Variants in KHDRBS2 observed in about 807,000 individuals in gnomAD.
KHDRBS2 encodes KH domain-containing, RNA-binding, signal transduction-associated protein 2.
KHDRBS2 carries 26 observed loss-of-function variants against 44.3 expected under a neutral mutation model. The observed-to-expected ratio is 0.59, with a 90% confidence interval of 0.43 to 0.81. The LOEUF (loss-of-function observed/expected upper bound fraction) is 0.81, where lower values mean the gene tolerates loss of function less well. KHDRBS2 is among the 40% of genes least tolerant of loss of function. The pLI is 0.00. For missense variants in KHDRBS2, 476 were observed against 433.1 expected (o/e 1.10, Z -0.88); for synonymous variants, 194 against 151.1 (o/e 1.28, Z -2.08).
the KHDRBS2 span, among the ~76,000 whole-genome samples, chr6:61,632,456 G>A: frequency 6.6e-6 from 1 of 152,054 alleles, no homozygotes; most frequent in African/African-American, 2.4e-5. Flanking sequence ...TATTATCTTG[G>A]TTGAGAAATT....
chr6:62,257,436 A>T (rs1173388388), intron 1 of KHDRBS2, among the ~76,000 whole-genome samples: 1 of 152,122 alleles, frequency 6.6e-6, no homozygotes, highest in Non-Finnish European at 1.5e-5. Flanking sequence ...TGAAATAAAT[A>T]ACAGAGCAGA....
the KHDRBS2 span, chr6:61,574,350 G>A: frequency 1.3e-6 from 2 of 1,527,450 alleles, no homozygotes; most frequent in Non-Finnish European, 1.8e-6. Flanking sequence ...GGTTTCAGCT[G>A]TCTCTTACTT....
At chr6:61,645,754 G>T in the KHDRBS2 span, among the ~76,000 whole-genome samples, 1 of 152,128 alleles carries the variant, frequency 6.6e-6, no homozygotes, top group African/African-American at 2.4e-5. Context: ...AGAGACATTT[G>T]TCAAGAAAGA....
At chr6:61,791,492 T>A (rs1784634688) in intron 6 of KHDRBS2, among the ~76,000 whole-genome samples, 1 of 151,548 alleles carries the variant, frequency 6.6e-6, no homozygotes, top group South Asian at 2.1e-4. Flanking sequence ...AAAGCATTAG[T>A]TATATACAAG....
chr6:61,716,864 A>C (rs1232354094), intron 7 of KHDRBS2, among the ~76,000 whole-genome samples: 1 of 152,058 alleles, frequency 6.6e-6, no homozygotes, highest in African/African-American at 2.4e-5. Flanking sequence ...TTCAGAATTT[A>C]GGATGATCTA....
rs61137285 is a variant in KHDRBS2, at chr6:61,993,675, T to TATATATATATATATATATATA, written c.337-15464_337-15463insTATATATATATATATATATAT. 2.5e-3 allele frequency among the ~76,000 whole-genome samples: 186 copies of TATATATATATATATATATATA among 74,762 alleles called. 6 individuals carry two copies. The highest frequency in any genetic ancestry group is 3.6e-3 in the Admixed American group (20 of 5,500). 49.0% of individuals were successfully genotyped at this position (74,762 alleles called of 152,430 possible). A position where few individuals can be genotyped will look rare whatever the true frequency, so the allele number is the denominator to read the frequency against. ...CATATATATATATATATATATATAT[T>TATATATATATATATATATATA]TTTTTTTTTTGATGTGAGCTTATAT... On this transcript the variant is annotated intron_variant, in intron 3 of 8. Transcript: ENST00000281156.
At chr6:61,631,355 C>CATTTTCTG in the KHDRBS2 span, among the ~76,000 whole-genome samples, 1 of 127,332 alleles carries the variant, frequency 7.9e-6, no homozygotes, top group Non-Finnish European at 1.6e-5. Context: ...CAGTGTGTTA[C>CATTTTCTG]ATTTTCTGGT....
intron 3 of KHDRBS2, among the ~76,000 whole-genome samples, chr6:62,036,970 C>T (rs962708703): frequency 3.9e-5 from 6 of 151,930 alleles, no homozygotes; most frequent in African/African-American, 1.2e-4. Context: ...CACAGTTATC[C>T]TCATAATATT....
chr6:61,757,779 T>G (rs937773809), intron 6 of KHDRBS2, among the ~76,000 whole-genome samples: 3 of 152,174 alleles, frequency 2.0e-5, no homozygotes, highest in Non-Finnish European at 2.9e-5. Flanking sequence ...CCAAAGCAGT[T>G]CTCAGTTTAG....
At chr6:62,028,844 CAT>C (rs779486779) in intron 3 of KHDRBS2, among the ~76,000 whole-genome samples, 5 of 152,146 alleles carry the variant, frequency 3.3e-5, no homozygotes, top group East Asian at 3.9e-4. Flanking sequence ...CTTGTCGACA[CAT>C]GTGAGAATTC....
intron 1 of KHDRBS2, among the ~76,000 whole-genome samples, chr6:62,220,398 A>G (rs1830712677): frequency 6.6e-6 from 1 of 151,966 alleles, no homozygotes; most frequent in Admixed American, 6.6e-5. Flanking sequence ...GTAAAACAGT[A>G]ACAATATTTT....
At chr6:61,837,988 T>C (rs916097661) in intron 6 of KHDRBS2, among the ~76,000 whole-genome samples, 12 of 152,144 alleles carry the variant, frequency 7.9e-5, no homozygotes, top group Middle Eastern at 3.4e-3. Flanking sequence ...CTAGTGCTGA[T>C]ATGAGAGTCA....
intron 6 of KHDRBS2, among the ~76,000 whole-genome samples, chr6:61,890,267 T>C (rs1409258420): frequency 2.6e-5 from 4 of 152,226 alleles, no homozygotes; most frequent in Admixed American, 2.6e-4. Flanking sequence ...TAAATAATAA[T>C]TTCAGATTAC....
At chr6:61,967,262 TAAAACAA>T (rs532384329) in intron 4 of KHDRBS2, among the ~76,000 whole-genome samples, 1 of 134,682 alleles carries the variant, frequency 7.4e-6, no homozygotes, top group Non-Finnish European at 1.6e-5. Context: ...TTAAAAGAAA[TAAAACAA>T]AGTAAAAAAG....
intron 6 of KHDRBS2, among the ~76,000 whole-genome samples, chr6:61,737,195 T>C (rs1775502412): frequency 6.6e-6 from 1 of 152,072 alleles, no homozygotes; most frequent in Non-Finnish European, 1.5e-5. Flanking sequence ...TATTTCATTT[T>C]ACTCCCTCAC....
chr6:62,277,176 C>T (rs1841069912), intron 1 of KHDRBS2, among the ~76,000 whole-genome samples: 1 of 151,880 alleles, frequency 6.6e-6, no homozygotes, highest in South Asian at 2.1e-4. Context: ...TCTATCAGAC[C>T]TTCCATATAC....
intron 3 of KHDRBS2, among the ~76,000 whole-genome samples, chr6:61,994,960 A>G (rs552431782): frequency 3.3e-4 from 50 of 152,220 alleles, no homozygotes; most frequent in Non-Finnish European, 7.4e-5. Context: ...GGCACGTCTG[A>G]GGAATAGAAA....
chr6:62,169,973 C>G (rs563017395), intron 2 of KHDRBS2, among the ~76,000 whole-genome samples: 1 of 151,776 alleles, frequency 6.6e-6, no homozygotes, highest in African/African-American at 2.4e-5. Flanking sequence ...CTAGCAGGTA[C>G]AGCCTTCTTA....
the KHDRBS2 span, among the ~76,000 whole-genome samples, chr6:61,547,320 GACTTA>G: frequency 1.3e-5 from 2 of 152,064 alleles, no homozygotes; most frequent in African/African-American, 4.8e-5. Context: ...TGTGCATGCA[GACTTA>G]ACTTAAAATT....
Sources: allele counts gnomAD v4.1 joint callset (sites outside exome capture counted in the v4.1 genomes callset), GRCh38; gene constraint gnomAD v4.1.1; transcripts MANE v1.5; gene names NCBI Gene and HGNC (gene_info 2026-07-23, HGNC 2026-07-21).